MMP26: variants seen among roughly 807,000 people sequenced by gnomAD.
The protein encoded by MMP26 is matrix metallopeptidase 26.
Under a neutral mutation model 31.0 loss-of-function variants are expected in MMP26, and 33 were observed. That is an observed-to-expected ratio of 1.06 (90% CI 0.81 to 1.42). MMP26 has a LOEUF of 1.42. Ranked by LOEUF, MMP26 falls within the 40% of genes most tolerant of loss-of-function variation. The pLI, the probability that MMP26 is intolerant of heterozygous loss-of-function variation, is 0.00. For synonymous variants in MMP26, 122 were observed against 114.9 expected (o/e 1.06, Z -0.40); for missense variants, 347 against 316.1 (o/e 1.10, Z -0.74).
chr11:4,829,600 G>C (rs1303803265), intron 2 of MMP26, among the ~76,000 whole-genome samples: 3 of 152,070 alleles, frequency 2.0e-5, no homozygotes, highest in African/African-American at 7.2e-5. Flanking sequence ...GTGACCCTGG[G>C]CATTACTTTT....
intron 2 of MMP26, among the ~76,000 whole-genome samples, chr11:4,862,599 G>C (rs1850178140): frequency 6.6e-6 from 1 of 152,146 alleles, no homozygotes; most frequent in South Asian, 2.1e-4. Context: ...AGGTACTTGT[G>C]AGAAAAGAGA....
chr11:4,712,694 A>T (rs958463627), intron 1 of MMP26, among the ~76,000 whole-genome samples: 2 of 152,300 alleles, frequency 1.3e-5, no homozygotes, highest in East Asian at 3.9e-4. Flanking sequence ...AGTGTCAATT[A>T]CAGATAATCT....
chr11:4,985,216 C>T (rs1479230394), intron 2 of MMP26, among the ~76,000 whole-genome samples: 1 of 151,990 alleles, frequency 6.6e-6, no homozygotes, highest in African/African-American at 2.4e-5. Flanking sequence ...TTATCATTTC[C>T]ATGGAAAGAG....
chr11:4,833,894 A>C (rs16906747), intron 2 of MMP26, among the ~76,000 whole-genome samples: 14,530 of 152,152 alleles, frequency 0.095, 1,139 homozygotes, highest in African/African-American at 0.21. Context: ...TGATGCATAT[A>C]TCTCTCTCAC....
At chr11:4,781,552 T>C (rs1848861839) in intron 2 of MMP26, among the ~76,000 whole-genome samples, 1 of 20,902 alleles carries the variant, frequency 4.8e-5, no homozygotes, top group Non-Finnish European at 6.4e-5. Context: ...AGACTCCGTC[T>C]CAAAAAAAAA....
intron 2 of MMP26, among the ~76,000 whole-genome samples, chr11:4,986,617 G>T (rs970486186): frequency 4.3e-5 from 6 of 140,930 alleles, no homozygotes; most frequent in African/African-American, 1.6e-4. Flanking sequence ...TGCAACCTCC[G>T]CCTTCTGGGT....
intron 2 of MMP26, among the ~76,000 whole-genome samples, chr11:4,888,284 C>T (rs947044986): frequency 3.3e-5 from 5 of 151,976 alleles, no homozygotes; most frequent in South Asian, 2.1e-4. Flanking sequence ...ATGATTTTTA[C>T]AGAAAAAATT....
chr11:4,968,590 T>A (rs1300101728), intron 2 of MMP26, among the ~76,000 whole-genome samples: 2 of 151,946 alleles, frequency 1.3e-5, no homozygotes, highest in Admixed American at 6.6e-5. Context: ...TAGCATAAAA[T>A]GTAGCAAACT....
intron 1 of MMP26, among the ~76,000 whole-genome samples, chr11:4,746,169 C>T (rs73390902): frequency 0.047 from 7,163 of 152,240 alleles, 529 homozygotes; most frequent in African/African-American, 0.16. Flanking sequence ...CTTGCATTAT[C>T]ATTTCGAGTA....
intron 2 of MMP26, among the ~76,000 whole-genome samples, chr11:4,898,827 CTCTCTG>C (rs1444337539): frequency 3.7e-3 from 190 of 51,746 alleles, no homozygotes; most frequent in Middle Eastern, 0.028. Context: ...CTCTCTCTCT[CTCTCTG>C]TGTGTGTGTG....
At chr11:4,834,909 A>T (rs1347849983) in intron 2 of MMP26, among the ~76,000 whole-genome samples, 4 of 151,962 alleles carry the variant, frequency 2.6e-5, no homozygotes, top group East Asian at 3.9e-4. Context: ...TATATATATA[A>T]AATTATACAC....
chr11:4,742,639 C>G (rs1463139010), intron 1 of MMP26, among the ~76,000 whole-genome samples: 1 of 151,978 alleles, frequency 6.6e-6, no homozygotes, highest in African/African-American at 2.4e-5. Flanking sequence ...GTTCTCTTTT[C>G]TTGGAGAATC....
At chr11:4,738,612 G>T (rs925388265) in intron 1 of MMP26, among the ~76,000 whole-genome samples, 4 of 152,102 alleles carry the variant, frequency 2.6e-5, no homozygotes, top group African/African-American at 9.7e-5. Context: ...ATGTAAAAAA[G>T]AATTTGGCTT....
chr11:4,910,582 C>A (rs1850975618), intron 2 of MMP26, among the ~76,000 whole-genome samples: 1 of 152,072 alleles, frequency 6.6e-6, no homozygotes, highest in African/African-American at 2.4e-5. Flanking sequence ...GCTCCAAGTA[C>A]AACAAACTTA....
At chr11:4,860,570 T>A in intron 2 of MMP26, 1 of 454,626 alleles carries the variant, frequency 2.2e-6, no homozygotes, top group Non-Finnish European at 4.6e-6. Context: ...GTCATGTTGT[T>A]CTCACCATCG....
chr11:4,762,050 G>C (rs1447587487), intron 1 of MMP26, among the ~76,000 whole-genome samples: 2 of 151,866 alleles, frequency 1.3e-5, no homozygotes, highest in Non-Finnish European at 2.9e-5. Context: ...AGTGATTATT[G>C]TTTTATTGTT....
At chr11:4,761,041 C>G (rs540904812) in intron 1 of MMP26, among the ~76,000 whole-genome samples, 1 of 152,080 alleles carries the variant, frequency 6.6e-6, no homozygotes, top group Non-Finnish European at 1.5e-5. Flanking sequence ...GTGAACAAAA[C>G]AGTGGAGGGT....
At chr11:4,708,657 T>C (rs1372535005) in intron 1 of MMP26, among the ~76,000 whole-genome samples, 1 of 152,208 alleles carries the variant, frequency 6.6e-6, no homozygotes, top group Non-Finnish European at 1.5e-5. Context: ...AGAAGCAATA[T>C]ACAGAAACAT....
chr11:4,966,896 G>A (rs1433887311), intron 2 of MMP26, among the ~76,000 whole-genome samples: 1 of 152,156 alleles, frequency 6.6e-6, no homozygotes, highest in Non-Finnish European at 1.5e-5. Flanking sequence ...AGCTAGTAGG[G>A]ATTTCTACCT....
Sources: gnomAD v4.1 joint callset for allele counts (sites outside exome capture counted in the v4.1 genomes callset) on GRCh38, gnomAD v4.1.1 for gene constraint, MANE v1.5 for transcripts, NCBI Gene and HGNC (gene_info 2026-07-23, HGNC 2026-07-21) for gene names.